Variants in CNTN4 observed in about 807,000 individuals in gnomAD.
CNTN4 encodes the protein contactin-4.
Under a neutral mutation model 122.5 loss-of-function variants are expected in CNTN4, and 77 were observed. That is an observed-to-expected ratio of 0.63 (90% CI 0.52 to 0.76). The LOEUF is 0.76. CNTN4 is among the 30% of genes least tolerant of loss of function. The pLI is 0.00. For synonymous variants in CNTN4, 512 were observed against 447.0 expected, an observed-to-expected ratio of 1.15 and a Z score of -1.83; for missense variants, 1,256 against 1,259.1, an observed-to-expected ratio of 1.00 and a Z score of 0.04.
chr3:2,321,338 T>G (rs2043271251), intron 2 of CNTN4, among the ~76,000 whole-genome samples: 1 of 152,090 alleles, frequency 6.6e-6, no homozygotes, highest in South Asian at 2.1e-4. Context: ...CCCATGAAAA[T>G]TATTTTAAAC....
chr3:2,745,497 A>G (rs748669675), intron 5 of CNTN4, 25 bp from the exon 6 acceptor site: 44 of 1,582,514 alleles, frequency 2.8e-5, no homozygotes, highest in Middle Eastern at 3.3e-4. Context: ...ACAAGACTTT[A>G]TCTACTGGCA....
chr3:2,823,666 C>T (rs1392751161), intron 7 of CNTN4, among the ~76,000 whole-genome samples: 1 of 152,090 alleles, frequency 6.6e-6, no homozygotes, highest in African/African-American at 2.4e-5. Context: ...TCACTGGGCA[C>T]CAGGAATTCA....
At chr3:2,695,286 G>A (rs1286339221) in intron 4 of CNTN4, among the ~76,000 whole-genome samples, 1 of 152,106 alleles carries the variant, frequency 6.6e-6, no homozygotes, top group African/African-American at 2.4e-5. Flanking sequence ...TTTATAGTAA[G>A]CTTTGTACTG....
At chr3:2,749,399 C>T (rs1412048381) in intron 6 of CNTN4, among the ~76,000 whole-genome samples, 2 of 151,328 alleles carry the variant, frequency 1.3e-5, no homozygotes, top group African/African-American at 4.9e-5. Flanking sequence ...TTTCGAACTC[C>T]TGATCTCAAG....
chr3:2,786,703 G>C (rs73121185), intron 6 of CNTN4, among the ~76,000 whole-genome samples: 1 of 152,076 alleles, frequency 6.6e-6, no homozygotes, highest in Non-Finnish European at 1.5e-5. Context: ...TTTTTAAAAA[G>C]CTTCTACTGG....
chr3:2,340,225 T>G (rs1277685121), intron 3 of CNTN4, among the ~76,000 whole-genome samples: 1 of 151,972 alleles, frequency 6.6e-6, no homozygotes, highest in Non-Finnish European at 1.5e-5. Context: ...AAAAAGAGAG[T>G]CTAGTGAAAT....
chr3:2,404,542 T>G (rs2046964721), intron 3 of CNTN4, among the ~76,000 whole-genome samples: 1 of 152,174 alleles, frequency 6.6e-6, no homozygotes, highest in Admixed American at 6.5e-5. Flanking sequence ...CTGCCTCACC[T>G]TCTCCTCCAC....
chr3:2,157,475 A>T (rs9873176), intron 2 of CNTN4, among the ~76,000 whole-genome samples: 2 of 152,200 alleles, frequency 1.3e-5, no homozygotes, highest in Non-Finnish European at 2.9e-5. Flanking sequence ...CCTGGAGTCA[A>T]TGGAGACTTA....
At chr3:2,367,844 C>T (rs914884488) in intron 3 of CNTN4, among the ~76,000 whole-genome samples, 4 of 151,938 alleles carry the variant, frequency 2.6e-5, no homozygotes, top group African/African-American at 9.7e-5. Flanking sequence ...CCCCTAACAA[C>T]GTTCGGACTA....
At chr3:2,247,945 A>T (rs960327393) in intron 2 of CNTN4, among the ~76,000 whole-genome samples, 14 of 151,908 alleles carry the variant, frequency 9.2e-5, no homozygotes, top group Admixed American at 2.0e-4. Flanking sequence ...AGATACCTAC[A>T]TGGCTTGTTT....
At chr3:2,684,234 G>C (rs1433316115) in intron 4 of CNTN4, among the ~76,000 whole-genome samples, 1 of 152,086 alleles carries the variant, frequency 6.6e-6, no homozygotes, top group Non-Finnish European at 1.5e-5. Flanking sequence ...ATTTAGCAAG[G>C]CTTCAAGGGG....
intron 2 of CNTN4, among the ~76,000 whole-genome samples, chr3:2,187,540 C>T (rs1244477611): frequency 6.6e-6 from 1 of 152,140 alleles, no homozygotes; most frequent in Admixed American, 6.5e-5. Context: ...TTCCTAGGTT[C>T]ACGATCAGCT....
At chr3:2,183,785 C>A (rs1174395079) in intron 2 of CNTN4, among the ~76,000 whole-genome samples, 1 of 152,126 alleles carries the variant, frequency 6.6e-6, no homozygotes, top group Admixed American at 6.6e-5. Context: ...GAATGATAGT[C>A]ACATAACCAC....
intron 2 of CNTN4, among the ~76,000 whole-genome samples, chr3:2,337,234 C>T (rs1201705344): frequency 6.6e-6 from 1 of 152,072 alleles, no homozygotes; most frequent in Non-Finnish European, 1.5e-5. Flanking sequence ...CAGATAAGTT[C>T]TTTTGGCCAG....
intron 2 of CNTN4, among the ~76,000 whole-genome samples, chr3:2,338,183 A>G (rs12630665): frequency 0.34 from 51,687 of 151,864 alleles, 9,750 homozygotes; most frequent in East Asian, 0.8. Context: ...TATATTAGCA[A>G]TATGAAGAAT....
intron 3 of CNTN4, among the ~76,000 whole-genome samples, chr3:2,402,495 A>G (rs2150976288): frequency 6.6e-6 from 1 of 152,248 alleles, no homozygotes; most frequent in Non-Finnish European, 1.5e-5. Context: ...TAATTATTAA[A>G]TCAGGGTAAT....
chr3:2,542,963 C>T (rs898181209), intron 3 of CNTN4, among the ~76,000 whole-genome samples: 1 of 152,050 alleles, frequency 6.6e-6, no homozygotes, highest in Non-Finnish European at 1.5e-5. Flanking sequence ...CTATATTGAA[C>T]ATGCACTAAT....
chr3:2,555,403 C>G (rs764013026), intron 3 of CNTN4, among the ~76,000 whole-genome samples: 3 of 152,136 alleles, frequency 2.0e-5, no homozygotes, highest in Admixed American at 1.3e-4. Flanking sequence ...CGATATTTTC[C>G]AAGCACACCG....
At chr3:2,932,859 G>A (rs1370288834) in intron 13 of CNTN4, among the ~76,000 whole-genome samples, 1 of 151,852 alleles carries the variant, frequency 6.6e-6, no homozygotes, top group African/African-American at 2.4e-5. Context: ...GTCTCGCTCT[G>A]TCGCCCAGGC....
Sources: gnomAD v4.1 joint callset for allele counts (sites outside exome capture counted in the v4.1 genomes callset) on GRCh38, gnomAD v4.1.1 for gene constraint, MANE v1.5 for transcripts, NCBI Gene and HGNC (gene_info 2026-07-23, HGNC 2026-07-21) for gene names.